The following CDH12 variants were observed in gnomAD, a reference collection of about 807,000 sequenced individuals.
CDH12 encodes the protein cadherin-12.
A neutral mutation model predicts 74.1 loss-of-function variants in CDH12; 41 were observed. The observed-to-expected ratio is 0.55, with a 90% CI of 0.43 to 0.72. The LOEUF (loss-of-function observed/expected upper bound fraction) is 0.72. Ranked by LOEUF, CDH12 falls within the 30% of genes least tolerant of loss-of-function variation. CDH12 has a pLI of 0.00. For synonymous variants in CDH12, 399 were observed against 355.0 expected, an observed-to-expected ratio of 1.12 and a Z score of -1.39; for missense variants, 945 against 977.2, an observed-to-expected ratio of 0.97 and a Z score of 0.44.
chr5:21,942,992 A>G (rs1232453561), intron 6 of CDH12, among the ~76,000 whole-genome samples: 2 of 152,116 alleles, frequency 1.3e-5, no homozygotes, highest in Non-Finnish European at 2.9e-5. Context: ...TCATGGGCAC[A>G]GTTTCCCCTA....
intron 1 of CDH12, among the ~76,000 whole-genome samples, chr5:22,516,478 T>C (rs989794189): frequency 1.3e-5 from 2 of 152,140 alleles, no homozygotes; most frequent in African/African-American, 4.8e-5. Flanking sequence ...TCTATGTCTG[T>C]AATAATAAAC....
At chr5:21,908,047 C>T (rs10045906) in intron 6 of CDH12, among the ~76,000 whole-genome samples, 32,470 of 152,036 alleles carry the variant, frequency 0.21, 4,754 homozygotes, top group African/African-American at 0.41. Context: ...TTCTTTGTGC[C>T]GCTCTGATGG....
intron 1 of CDH12, among the ~76,000 whole-genome samples, chr5:22,787,199 A>G (rs1747681554): frequency 6.6e-6 from 1 of 152,040 alleles, no homozygotes; most frequent in African/African-American, 2.4e-5. Flanking sequence ...GCAAACAAGA[A>G]GATATTTCCT....
At chr5:22,067,792 A>G (rs568548037) in intron 5 of CDH12, among the ~76,000 whole-genome samples, 2 of 152,100 alleles carry the variant, frequency 1.3e-5, no homozygotes, top group Non-Finnish European at 1.5e-5. Context: ...GAGCCTGACC[A>G]ACATGGAGAA....
At chr5:22,542,268 T>C (rs1738138694) in intron 1 of CDH12, among the ~76,000 whole-genome samples, 1 of 152,158 alleles carries the variant, frequency 6.6e-6, no homozygotes, top group African/African-American at 2.4e-5. Context: ...CCACCTAGCT[T>C]TTAAAAGCAA....
intron 3 of CDH12, among the ~76,000 whole-genome samples, chr5:22,292,909 C>T (rs577221061): frequency 6.6e-6 from 1 of 152,268 alleles, no homozygotes; most frequent in Non-Finnish European, 1.5e-5. Context: ...CAAAGCCTAA[C>T]TTCCTTGCCT....
At chr5:21,880,477 TCCTTCCTTCCTTCCTTCCTTCCTTCCTC>T (rs1326014652) in intron 6 of CDH12, among the ~76,000 whole-genome samples, 8 of 24,084 alleles carry the variant, frequency 3.3e-4, no homozygotes, top group Admixed American at 6.9e-4. Context: ...TTTCCTTCCT[TCCTTCCTTCCTTCCTTCCTTCCTTCCTC>T]CCTCCCTCCC....
chr5:22,651,206 C>T (rs1461052935), intron 1 of CDH12, among the ~76,000 whole-genome samples: 1 of 152,056 alleles, frequency 6.6e-6, no homozygotes, highest in Non-Finnish European at 1.5e-5. Context: ...TTTATAAATG[C>T]AAACTACCTC....
chr5:21,853,261 T>C (rs372816168), intron 7 of CDH12, among the ~76,000 whole-genome samples: 344 of 151,724 alleles, frequency 2.3e-3, no homozygotes, highest in African/African-American at 7.9e-3. Flanking sequence ...CACTCACTTT[T>C]AACATTTGAC....
intron 3 of CDH12, among the ~76,000 whole-genome samples, chr5:22,361,821 C>T (rs1476000043): frequency 6.6e-6 from 1 of 152,054 alleles, no homozygotes; most frequent in Non-Finnish European, 1.5e-5. Flanking sequence ...CAAAAACAAG[C>T]AATGGGGAAA....
Position 22,831,846 on chromosome 5 carries a change from G to A in CDH12, c.-523+21212C>T, listed in dbSNP as rs977419209. ...TGGGAGGTGGAGGTTACAGTATGCCGAGATTGCACCACCGCACTCCAGCCT... is the reference window on the plus strand; with the variant it reads ...TGGGAGGTGGAGGTTACAGTATGCCAAGATTGCACCACCGCACTCCAGCCT... On this transcript the variant is annotated intron_variant, in intron 1 of 14. Transcript: ENST00000382254. Among the ~76,000 whole-genome samples, 12 of 152,014 alleles carry A rather than the reference G, an allele frequency of 7.9e-5. No homozygotes were observed. The East Asian group carries it at 1.2e-3, about 15-fold the overall frequency.
At chr5:21,766,116 T>A (rs1297461115) in intron 11 of CDH12, among the ~76,000 whole-genome samples, 1 of 152,036 alleles carries the variant, frequency 6.6e-6, no homozygotes, top group Non-Finnish European at 1.5e-5. Flanking sequence ...TAGACATCTA[T>A]CTAGAATACT....
intron 1 of CDH12, among the ~76,000 whole-genome samples, chr5:22,535,384 C>G (rs563637654): frequency 6.6e-6 from 1 of 152,098 alleles, no homozygotes; most frequent in Non-Finnish European, 1.5e-5. Context: ...TCTCGATCTC[C>G]TGACCTCGTG....
chr5:22,418,943 C>T (rs1180860775), intron 2 of CDH12, among the ~76,000 whole-genome samples: 1 of 152,006 alleles, frequency 6.6e-6, no homozygotes, highest in Non-Finnish European at 1.5e-5. Context: ...TATGTTCCAT[C>T]AGTACCTAGT....
chr5:22,273,607 C>T (rs574839343), intron 3 of CDH12, among the ~76,000 whole-genome samples: 1 of 152,168 alleles, frequency 6.6e-6, no homozygotes, highest in African/African-American at 2.4e-5. Context: ...CTCTCAGCGT[C>T]TTTTCCGTGC....
intron 1 of CDH12, among the ~76,000 whole-genome samples, chr5:22,627,337 G>A (rs2126851079): frequency 6.6e-6 from 1 of 151,666 alleles, no homozygotes. Flanking sequence ...AAAACAGCCA[G>A]AGCAAAGGGC....
intron 2 of CDH12, among the ~76,000 whole-genome samples, chr5:22,499,943 G>A (rs1362121640): frequency 6.6e-6 from 1 of 152,016 alleles, no homozygotes; most frequent in Non-Finnish European, 1.5e-5. Context: ...CATTGCCAGG[G>A]GATATTTATA....
intron 8 of CDH12, among the ~76,000 whole-genome samples, chr5:21,821,131 C>G (rs893036221): frequency 5.3e-5 from 8 of 151,666 alleles, no homozygotes; most frequent in African/African-American, 1.9e-4. Flanking sequence ...TAAGTATCCT[C>G]TCAGTAACTA....
chr5:22,794,273 G>A (rs111844311), intron 1 of CDH12, among the ~76,000 whole-genome samples: 2 of 152,292 alleles, frequency 1.3e-5, no homozygotes, highest in African/African-American at 4.8e-5. Flanking sequence ...AAACAGACAA[G>A]GAGGTGGATG....
Sources: allele counts gnomAD v4.1 joint callset (sites outside exome capture counted in the v4.1 genomes callset), GRCh38; gene constraint gnomAD v4.1.1; transcripts MANE v1.5; gene names NCBI Gene and HGNC (gene_info 2026-07-23, HGNC 2026-07-21).